Variants in PCDHGA5 observed in about 807,000 individuals in gnomAD.
PCDHGA5 encodes the protein protocadherin gamma subfamily A, 5.
Under a neutral mutation model 56.7 loss-of-function variants are expected in PCDHGA5, and 36 were observed. The ratio of observed to expected loss-of-function variants is 0.64; its 90% confidence interval spans 0.49 to 0.84. The LOEUF (loss-of-function observed/expected upper bound fraction) is 0.84, where lower values mean the gene tolerates loss of function less well. PCDHGA5 is among the 40% of genes least tolerant of loss of function. PCDHGA5 has a pLI of 0.00. For synonymous variants in PCDHGA5, 563 were observed against 520.2 expected, an observed-to-expected ratio of 1.08 and a Z score of -1.12; for missense variants, 1,305 against 1,201.5, an observed-to-expected ratio of 1.09 and a Z score of -1.27.
intron 1 of PCDHGA5, chr5:141,395,099 C>T: frequency 6.2e-7 from 1 of 1,614,228 alleles, no homozygotes; most frequent in Non-Finnish European, 8.5e-7. Flanking sequence ...TCACCGCCGA[C>T]TCGCGGAAGA....
chr5:141,494,948 G>C (rs909146), intron 2 of PCDHGA5, 83 bp downstream of exon 2: 1 of 1,608,226 alleles, frequency 6.2e-7, no homozygotes, highest in South Asian at 1.1e-5. Flanking sequence ...GGAGGGCCCA[G>C]CATTTGCTAC....
intron 1 of PCDHGA5, chr5:141,384,651 C>G (rs138410124): frequency 1.2e-6 from 2 of 1,614,076 alleles, no homozygotes; most frequent in Non-Finnish European, 1.7e-6. Context: ...CCGCAGAGCC[C>G]GGCTACCTGG....
rs373286702 is a variant in PCDHGA5, at chr5:141,421,190, A to T, written c.2421+54439A>T. ...TACATAAGCCGATTCACAACCAACC[A>T]GCTCGAGAAACCGCGGAATATCGGC... On this transcript the variant is annotated intron_variant, in intron 1 of 3. Transcript: ENST00000518069. The T allele has an allele frequency of 4.7e-6, 7 of 1,480,168 alleles. No homozygotes were observed. The South Asian group carries it at 9.4e-5, about 20-fold the overall frequency. 91.7% of individuals were successfully genotyped at this position (1,480,168 alleles called of 1,614,324 possible).
intron 1 of PCDHGA5, chr5:141,417,768 C>T: frequency 6.9e-7 from 1 of 1,451,358 alleles, no homozygotes; most frequent in Non-Finnish European, 9.1e-7. Context: ...ACCCGGGACT[C>T]CTCCTGTCCT....
At chr5:141,507,704 G>A (rs989196400) in intron 3 of PCDHGA5, among the ~76,000 whole-genome samples, 5 of 152,210 alleles carry the variant, frequency 3.3e-5, no homozygotes, top group African/African-American at 9.6e-5. Context: ...AGTATTTATG[G>A]CCCCAAACCC....
At chr5:141,376,920 C>G (rs527270477) in intron 1 of PCDHGA5, 1 of 173,352 alleles carries the variant, frequency 5.8e-6, no homozygotes, top group Non-Finnish European at 1.2e-5. Flanking sequence ...ATCTCCTGAC[C>G]TCATGATCCA....
At chr5:141,392,668 C>T in intron 1 of PCDHGA5, 2 of 849,812 alleles carry the variant, frequency 2.4e-6, no homozygotes, top group Admixed American at 3.2e-5. Flanking sequence ...CACAAACTAA[C>T]TGCTGGACTG....
intron 1 of PCDHGA5, among the ~76,000 whole-genome samples, chr5:141,492,808 A>C (rs1261752522): frequency 6.6e-6 from 1 of 152,252 alleles, no homozygotes; most frequent in African/African-American, 2.4e-5. Flanking sequence ...CTGGGACTCC[A>C]GTGGCACCAG....
At chr5:141,428,141 G>C (rs1314061143) in intron 1 of PCDHGA5, 2 of 1,596,500 alleles carry the variant, frequency 1.3e-6, no homozygotes, top group African/African-American at 2.7e-5. Context: ...GCCTGGGGCT[G>C]CACACGGGAA....
In PCDHGA5 at chr5:141,386,663, G is replaced by T. The variant is rs532080624; in HGVS notation, c.2421+19912G>T. On this transcript the variant is annotated intron_variant, in intron 1 of 3. Transcript: ENST00000518069. ...GGATACATTTTACAAGTTCTGCAGT[G>T]TTCACATTTCAGATGTACAATCACT... Among the ~76,000 whole-genome samples, 44 of 152,044 alleles carry T rather than the reference G, an allele frequency of 2.9e-4. No homozygotes were observed. In the South Asian group the frequency reaches 5.4e-3, roughly 19 times the overall value.
At chr5:141,429,378 T>G (rs890583768) in intron 1 of PCDHGA5, among the ~76,000 whole-genome samples, 3 of 105,336 alleles carry the variant, frequency 2.8e-5, no homozygotes, top group African/African-American at 5.2e-5. Flanking sequence ...AGAAAATGTG[T>G]TTTTTTTTTA....
At chr5:141,414,788 C>T in intron 1 of PCDHGA5, 1 of 1,614,222 alleles carries the variant, frequency 6.2e-7, no homozygotes, top group Non-Finnish European at 8.5e-7. Flanking sequence ...CAGGTGACAG[C>T]CAGCGACAGC....
Position 141,365,434 on chromosome 5 carries a change from G to C in PCDHGA5, c.1104G>C (p.Leu368=), listed in dbSNP as rs770375441. ...EDCLPGTVIA[L]FSVHDGDSGE... ...GTCTTCCCGGAACTGTAATCGCGCT[G>C]TTTAGCGTACATGATGGTGATTCTG... Residue 368 remains leucine (L), a synonymous_variant, in exon 1 of 4, where the codon CTG becomes CTC. Transcript: ENST00000518069. 4.3e-6 allele frequency: 7 copies of C among 1,614,020 alleles called. No individual in the cohort carries two copies. The highest frequency in any genetic ancestry group is 5.9e-6 in the Non-Finnish European group (7 of 1,179,906).
At chr5:141,423,313 G>A (rs1407028245) in intron 1 of PCDHGA5, 3 of 1,614,184 alleles carry the variant, frequency 1.9e-6, no homozygotes, top group Non-Finnish European at 1.7e-6. Context: ...GTACTTGGTG[G>A]TGGCGGTGGC....
intron 1 of PCDHGA5, among the ~76,000 whole-genome samples, chr5:141,464,715 T>C (rs1013508667): frequency 2.0e-5 from 3 of 152,090 alleles, no homozygotes; most frequent in Admixed American, 2.0e-4. Flanking sequence ...AAATAGTTTT[T>C]CATATGTTTA....
chr5:141,400,493 A>G, intron 1 of PCDHGA5: 2 of 1,614,014 alleles, frequency 1.2e-6, no homozygotes, highest in South Asian at 2.2e-5. Flanking sequence ...CCACTTTGTA[A>G]TTCCAGCGAG....
intron 1 of PCDHGA5, among the ~76,000 whole-genome samples, chr5:141,387,074 C>G (rs1268463514): frequency 6.6e-6 from 1 of 152,172 alleles, no homozygotes. Flanking sequence ...GAGTAGGCTA[C>G]TGCCTGTGAT....
intron 2 of PCDHGA5, among the ~76,000 whole-genome samples, chr5:141,498,191 A>G (rs2099782212): frequency 6.6e-6 from 1 of 152,270 alleles, no homozygotes; most frequent in African/African-American, 2.4e-5. Flanking sequence ...CAAATTAACC[A>G]GCTAAAGAAA....
rs2099417733 is a variant in PCDHGA5, at chr5:141,477,771, G to C, written c.2422-17036G>C. ...ACCCCGGTCCTAGCCACCAACATCAGCGTGAACATATTTGTCACTGATCGC... is the reference window on the plus strand; with the variant it reads ...ACCCCGGTCCTAGCCACCAACATCACCGTGAACATATTTGTCACTGATCGC... On this transcript the variant is annotated intron_variant, in intron 1 of 3. Transcript: ENST00000518069. This position sits in a 1 kb window ranked among gnomAD's most constrained non-coding sequence, Gnocchi z 4.9. 3 of 1,613,992 alleles carry C rather than the reference G, an allele frequency of 1.9e-6. No homozygotes were observed. The highest frequency in any genetic ancestry group is 3.3e-4 in the Middle Eastern group (2 of 6,062).
Sources: gnomAD v4.1 joint callset for allele counts (sites outside exome capture counted in the v4.1 genomes callset) on GRCh38, gnomAD v4.1.1 for gene constraint, Gnocchi (gnomAD v3.1) non-coding constraint, MANE v1.5 for transcripts, NCBI Gene and HGNC (gene_info 2026-07-23, HGNC 2026-07-21) for gene names.